Variants in LAMA2 observed in about 807,000 individuals in gnomAD.
LAMA2 encodes the protein laminin subunit alpha 2.
Under a neutral mutation model 364.8 loss-of-function variants are expected in LAMA2, and 269 were observed. The ratio of observed to expected loss-of-function variants is 0.74; its 90% CI spans 0.67 to 0.82. The LOEUF (loss-of-function observed/expected upper bound fraction) is 0.82, where lower values mean the gene tolerates loss of function less well. Ranked by LOEUF, LAMA2 falls within the 40% of genes least tolerant of loss-of-function variation. The probability of loss-of-function intolerance (pLI) is 0.00; values close to 1 mark genes in which losing one functional copy is unlikely to be tolerated. For synonymous variants in LAMA2, 1,379 were observed against 1,370.6 expected, an observed-to-expected ratio of 1.01 and a Z score of -0.14; for missense variants, 3,807 against 3,873.2, an observed-to-expected ratio of 0.98 and a Z score of 0.45.
At chr6:128,929,183 G>C in intron 1 of LAMA2, 2 of 1,480,562 alleles carry the variant, frequency 1.4e-6, no homozygotes, top group Non-Finnish European at 9.4e-7. Flanking sequence ...AATGGGGATA[G>C]TTACAGAGGC....
intron 29 of LAMA2, among the ~76,000 whole-genome samples, chr6:129,330,935 C>G (rs1342764647): frequency 1.3e-5 from 2 of 151,740 alleles, no homozygotes. Context: ...GTGACGCGAT[C>G]TCAGCTCACT....
chr6:129,145,492 G>A (rs536587330), intron 5 of LAMA2, among the ~76,000 whole-genome samples: 11 of 151,720 alleles, frequency 7.3e-5, no homozygotes, highest in African/African-American at 1.9e-4. Context: ...TAATTTTGGC[G>A]GGACTTAAAA....
chr6:129,199,553 T>C (rs1037451091), intron 12 of LAMA2, among the ~76,000 whole-genome samples: 2 of 152,162 alleles, frequency 1.3e-5, no homozygotes, highest in Non-Finnish European at 2.9e-5. Context: ...AACTCACTTA[T>C]AGATGATATA....
intron 1 of LAMA2, among the ~76,000 whole-genome samples, chr6:128,907,558 T>C (rs900797073): frequency 1.3e-5 from 2 of 152,122 alleles, no homozygotes; most frequent in Non-Finnish European, 2.9e-5. Flanking sequence ...GTTTTCTAGA[T>C]ATACAATCAT....
intron 40 of LAMA2, among the ~76,000 whole-genome samples, chr6:129,412,861 C>T (rs1253366823): frequency 2.6e-5 from 4 of 152,174 alleles, no homozygotes; most frequent in African/African-American, 9.7e-5. Context: ...GAGTCATTGA[C>T]CAGAAGTAGC....
At chr6:128,985,641 C>T (rs1045555093) in intron 1 of LAMA2, among the ~76,000 whole-genome samples, 1 of 152,012 alleles carries the variant, frequency 6.6e-6, no homozygotes, top group African/African-American at 2.4e-5. Flanking sequence ...CCCTCAAGTA[C>T]ACATTACTTG....
At chr6:128,965,351 T>G (rs1582785173) in intron 1 of LAMA2, among the ~76,000 whole-genome samples, 3 of 152,148 alleles carry the variant, frequency 2.0e-5, no homozygotes, top group South Asian at 4.1e-4. Context: ...TTTTCTCTTG[T>G]GCAAGTTTGA....
intron 51 of LAMA2, among the ~76,000 whole-genome samples, chr6:129,468,617 A>G (rs1783659442): frequency 1.3e-5 from 2 of 151,968 alleles, no homozygotes; most frequent in Non-Finnish European, 2.9e-5. Flanking sequence ...ATAGATGACA[A>G]GCATATGGTC....
At chr6:129,305,123 T>C (rs571995663) in intron 22 of LAMA2, among the ~76,000 whole-genome samples, 5 of 152,334 alleles carry the variant, frequency 3.3e-5, no homozygotes, top group East Asian at 1.9e-4. Context: ...ACATTTAGGA[T>C]TGCTATGTCT....
chr6:129,118,410 ATTCC>A (rs1776598128), intron 4 of LAMA2, among the ~76,000 whole-genome samples: 1 of 152,192 alleles, frequency 6.6e-6, no homozygotes, highest in African/African-American at 2.4e-5. Flanking sequence ...TTGGTTTACG[ATTCC>A]TTCTTCCTCT....
intron 12 of LAMA2, among the ~76,000 whole-genome samples, chr6:129,228,496 T>C (rs1159168867): frequency 6.6e-6 from 1 of 152,206 alleles, no homozygotes. Flanking sequence ...TAATATATTG[T>C]TGAGAGTGAA....
chr6:128,912,990 T>C (rs534662795), intron 1 of LAMA2, among the ~76,000 whole-genome samples: 15 of 152,208 alleles, frequency 9.9e-5, no homozygotes, highest in Admixed American at 2.0e-4. Flanking sequence ...GGTTGACAAA[T>C]TGGGAGAACA....
chr6:129,092,423 A>G (rs1291897087), intron 3 of LAMA2, among the ~76,000 whole-genome samples: 1 of 152,170 alleles, frequency 6.6e-6, no homozygotes, highest in Non-Finnish European at 1.5e-5. Flanking sequence ...TATAACTCTC[A>G]TCACTTAATG....
chr6:129,129,467 A>C (rs1334824173), intron 4 of LAMA2, among the ~76,000 whole-genome samples: 2 of 152,198 alleles, frequency 1.3e-5, no homozygotes, highest in East Asian at 3.9e-4. Flanking sequence ...TGTTTATGCC[A>C]TAAGAGAATC....
chr6:128,980,890 G>A lies in LAMA2; in HGVS notation c.113-69028G>A, dbSNP rs544529126. Among the ~76,000 whole-genome samples the A allele has an allele frequency of 2.4e-4, 37 of 152,198 alleles. No individual in the cohort carries two copies. In the South Asian group the frequency reaches 3.9e-3, roughly 16 times the overall value. On this transcript the variant is annotated intron_variant, in intron 1 of 64. Coordinates refer to ENST00000421865, the MANE Select transcript of LAMA2 (RefSeq NM_000426.4). The stretch of plus-strand genomic sequence containing the variant: ...ACTAATGAAAATAAACCTGAAACGC[G>A]AATCATTGGACAAATGTGAGATTTT...
At chr6:129,091,445 G>A (rs1774821680) in intron 3 of LAMA2, among the ~76,000 whole-genome samples, 1 of 152,172 alleles carries the variant, frequency 6.6e-6, no homozygotes, top group Non-Finnish European at 1.5e-5. Flanking sequence ...TGAGGGCAGA[G>A]TATTCCTTTT....
intron 8 of LAMA2, among the ~76,000 whole-genome samples, chr6:129,155,514 T>C (rs999907341): frequency 2.6e-5 from 4 of 152,090 alleles, no homozygotes; most frequent in Admixed American, 2.6e-4. Flanking sequence ...TCTTATGAAG[T>C]AGATGTTCAA....
intron 62 of LAMA2, among the ~76,000 whole-genome samples, chr6:129,511,695 T>G (rs1030546087): frequency 1.3e-5 from 2 of 151,126 alleles, no homozygotes; most frequent in East Asian, 2.0e-4. Flanking sequence ...TCCTAAGTGA[T>G]GTATCTATCT....
chr6:129,168,320 C>G (rs1225697782), intron 9 of LAMA2, among the ~76,000 whole-genome samples: 8 of 149,406 alleles, frequency 5.4e-5, no homozygotes, highest in Non-Finnish European at 7.5e-5. Flanking sequence ...AGTCTTTAAT[C>G]CATCTTGAAT....
Sources: gnomAD v4.1 joint callset for allele counts (sites outside exome capture counted in the v4.1 genomes callset) on GRCh38, gnomAD v4.1.1 for gene constraint, MANE v1.5 for transcripts, NCBI Gene and HGNC (gene_info 2026-07-23, HGNC 2026-07-21) for gene names.